Variants in COL24A1 observed in about 807,000 individuals in gnomAD.
COL24A1 encodes the protein collagen alpha-1(XXIV) chain.
In COL24A1, 224 loss-of-function variants were observed where a neutral mutation model predicts 253.9. That is an observed-to-expected ratio of 0.88 (90% CI 0.79 to 0.99). The LOEUF is 0.99. COL24A1 is among the 50% of genes least tolerant of loss of function. COL24A1 has a pLI of 0.00. For missense variants in COL24A1, 2,131 were observed against 2,068.5 expected, an observed-to-expected ratio of 1.03 and a Z score of -0.59; for synonymous variants, 685 against 673.7, an observed-to-expected ratio of 1.02 and a Z score of -0.26.
chr1:86,082,621 G>A (rs967322130), intron 7 of COL24A1, among the ~76,000 whole-genome samples: 139 of 81,442 alleles, frequency 1.7e-3, no homozygotes, highest in South Asian at 4.3e-3. Flanking sequence ...ATAATAATTT[G>A]TATATATTTA....
intron 55 of COL24A1, among the ~76,000 whole-genome samples, chr1:85,747,574 C>G (rs1218334299): frequency 6.6e-6 from 1 of 151,744 alleles, no homozygotes; most frequent in East Asian, 1.9e-4. Flanking sequence ...GAAGGGTCAC[C>G]CAGTTTTACA....
At chr1:86,088,914 C>A (rs909475462) in intron 7 of COL24A1, among the ~76,000 whole-genome samples, 2 of 152,016 alleles carry the variant, frequency 1.3e-5, no homozygotes, top group African/African-American at 4.8e-5. Context: ...ATTGAAGGGT[C>A]TTCTTTTATT....
chr1:86,156,427 T>TAACGGAA lies in COL24A1; in HGVS notation c.-38_-32dup. 1 of 1,603,410 alleles carries TAACGGAA rather than the reference T, an allele frequency of 6.2e-7. No individual in the cohort carries two copies. Among genetic ancestry groups the TAACGGAA allele is most frequent in the Non-Finnish European group, 8.5e-7 (1 of 1,175,010 alleles). On this transcript the variant is annotated 5_prime_UTR_variant, in exon 1 of 60. An upstream open reading frame in the 5' UTR loses its in-frame stop. Transcript: ENST00000370571. ...TGCATTTGTCCGTGCAGCAAAGCGC[T>TAACGGAA]AACGGAAAACAGAAGCCAACTCTGA... is the stretch of plus-strand genomic sequence containing the variant.
rs190899081 is a variant in COL24A1 at position 86,150,735 on chromosome 1, T to G, written c.57-4552A>C. ...TTGGGAAATGTCTGATGGACTAGGT[T>G]TGTTTGTTTCTTTGGATTTTCCTCC... On this transcript the variant is annotated intron_variant, in intron 1 of 59. Coordinates refer to ENST00000370571, the MANE Select transcript of COL24A1 (RefSeq NM_152890.7). Among the ~76,000 whole-genome samples the G allele has an allele frequency of 2.0e-4, 30 of 152,236 alleles. No homozygotes were observed. In the East Asian group the frequency reaches 5.8e-3, roughly 29 times the overall value.
rs968300363 is a variant in COL24A1 at position 86,141,800 on chromosome 1, G to A, written c.121+4319C>T. Among the ~76,000 whole-genome samples the A allele has an allele frequency of 3.3e-5, 5 of 151,432 alleles. No homozygotes were observed. In the East Asian group the frequency reaches 5.9e-4, roughly 18 times the overall value. On this transcript the variant is annotated intron_variant, in intron 2 of 59. Coordinates refer to ENST00000370571, the MANE Select transcript of COL24A1 (RefSeq NM_152890.7). ...CCTGCAACCTCTGTCTCCTGGGCTC[G>A]AGTAGTTCTTCTGCCTTAGCCTCCC...
chr1:85,950,495 A>G (rs1403235201), intron 24 of COL24A1, among the ~76,000 whole-genome samples: 1 of 152,180 alleles, frequency 6.6e-6, no homozygotes, highest in African/African-American at 2.4e-5. Context: ...GAATTTTAGA[A>G]GAAAGGTGAT....
chr1:86,124,398 C>T (rs536633313), intron 3 of COL24A1, among the ~76,000 whole-genome samples: 3 of 152,068 alleles, frequency 2.0e-5, no homozygotes, highest in Non-Finnish European at 4.4e-5. Flanking sequence ...CCATTTGATG[C>T]TATTTTGCTG....
chr1:85,776,708 C>T (rs1668579781), intron 52 of COL24A1, among the ~76,000 whole-genome samples: 1 of 151,724 alleles, frequency 6.6e-6, no homozygotes, highest in Non-Finnish European at 1.5e-5. Context: ...GTGAGAGATA[C>T]CCTTACAGTC....
chr1:86,056,580 G>T (rs1700676754), intron 10 of COL24A1, among the ~76,000 whole-genome samples: 1 of 152,122 alleles, frequency 6.6e-6, no homozygotes, highest in Non-Finnish European at 1.5e-5. Flanking sequence ...GTTAGGCCGG[G>T]CCTGGTGGCT....
At chr1:85,946,539 TGCAGTAGTA>T (rs559945644) in intron 24 of COL24A1, among the ~76,000 whole-genome samples, 192 of 152,312 alleles carry the variant, frequency 1.3e-3, no homozygotes, top group African/African-American at 4.4e-3. Context: ...CTTCTCTTTG[TGCAGTAGTA>T]GCAGTAGTAC....
chr1:86,004,007 G>C (rs1021159351), intron 19 of COL24A1, among the ~76,000 whole-genome samples: 4 of 152,158 alleles, frequency 2.6e-5, no homozygotes, highest in Non-Finnish European at 5.9e-5. Context: ...AATGAATGGA[G>C]AAGACATGGT....
At chr1:85,872,979 A>G (rs1314565513) in intron 35 of COL24A1, among the ~76,000 whole-genome samples, 1 of 152,258 alleles carries the variant, frequency 6.6e-6, no homozygotes, top group East Asian at 1.9e-4. Context: ...AAAGAACTCA[A>G]ACAAACTTAC....
chr1:85,961,481 C>A (rs1254165504), intron 23 of COL24A1, among the ~76,000 whole-genome samples, 188 bp from the exon 24 acceptor site: 1 of 151,864 alleles, frequency 6.6e-6, no homozygotes, highest in African/African-American at 2.4e-5. Flanking sequence ...ACCTATATAA[C>A]AAATCTACAC....
At position 86,031,906 on chromosome 1, in the gene COL24A1, G is replaced by A. The variant is rs1313038071; in HGVS notation, c.2021C>T (p.Thr674Ile). The A allele has an allele frequency of 6.2e-7, 1 of 1,609,102 alleles. No homozygotes were observed. Among genetic ancestry groups the A allele is most frequent in the East Asian group, 2.2e-5 (1 of 44,632 alleles). The part of the protein sequence containing the change: ...LDGSPGLVGG[T>I]GPPGFPGLRG... ...AAGCCCAGGAAACCCCGGAGGACCAGTGCCACCTACAAGTCCCTATTGTAA... is the reference window on the plus strand; with the variant it reads ...AAGCCCAGGAAACCCCGGAGGACCAATGCCACCTACAAGTCCCTATTGTAA... The change falls in exon 14 of 60, where the codon ACT (threonine) becomes ATT (isoleucine). Residue 674 changes from threonine to isoleucine, a missense_variant. Coordinates refer to ENST00000370571, the MANE Select transcript of COL24A1 (RefSeq NM_152890.7).
chr1:85,909,632 G>A (rs964099820), intron 26 of COL24A1, among the ~76,000 whole-genome samples: 2 of 151,778 alleles, frequency 1.3e-5, no homozygotes, highest in Non-Finnish European at 2.9e-5. Flanking sequence ...AAAGGTGAAA[G>A]ATTTATACAA....
At chr1:86,047,748 C>T (rs766308040) in intron 11 of COL24A1, among the ~76,000 whole-genome samples, 4 of 151,670 alleles carry the variant, frequency 2.6e-5, no homozygotes, top group Admixed American at 6.6e-5. Flanking sequence ...AAATCATTTG[C>T]TATTTTCATC....
intron 19 of COL24A1, among the ~76,000 whole-genome samples, chr1:86,000,939 G>A (rs1695331357): frequency 1.3e-5 from 2 of 152,064 alleles, no homozygotes; most frequent in South Asian, 2.1e-4. Flanking sequence ...AGGATACATG[G>A]GATTAGTGCT....
chr1:86,156,267 A>G, intron 1 of COL24A1, 74 bp downstream of exon 1: 1 of 1,424,344 alleles, frequency 7.0e-7, no homozygotes. Flanking sequence ...GATCTCCATC[A>G]GGCTCAGCAG....
At chr1:86,138,135 G>A (rs55924543) in intron 2 of COL24A1, among the ~76,000 whole-genome samples, 191 of 152,148 alleles carry the variant, frequency 1.3e-3, no homozygotes, top group Non-Finnish European at 2.3e-3. Flanking sequence ...CTTTAAACCC[G>A]TGTATTGATT....
Sources: gnomAD v4.1 joint callset for allele counts (sites outside exome capture counted in the v4.1 genomes callset) on GRCh38, gnomAD v4.1.1 for gene constraint, MANE v1.5 for transcripts, NCBI Gene and HGNC (gene_info 2026-07-23, HGNC 2026-07-21) for gene names.